The following TMEM39B variants were observed in gnomAD, a reference collection of about 807,000 sequenced individuals.
TMEM39B encodes transmembrane protein 39B.
A neutral mutation model predicts 52.2 loss-of-function variants in TMEM39B; 23 were observed. The observed-to-expected ratio is 0.44, with a 90% CI of 0.32 to 0.62. The LOEUF (loss-of-function observed/expected upper bound fraction) is 0.62, where lower values mean the gene tolerates loss of function less well. Ranked by LOEUF, TMEM39B falls within the 20% of genes least tolerant of loss-of-function variation. The pLI is 0.06. For synonymous variants in TMEM39B, 285 were observed against 264.0 expected (o/e 1.08, Z -0.77); for missense variants, 547 against 642.0 (o/e 0.85, Z 1.60).
chr1:32,086,473 A>C (rs1232302851), intron 5 of TMEM39B, among the ~76,000 whole-genome samples: 3 of 152,192 alleles, frequency 2.0e-5, no homozygotes, highest in African/African-American at 7.2e-5. Flanking sequence ...TACACACACA[A>C]AAAAGAAAGT....
intron 3 of TMEM39B, 189 bp downstream of exon 3, chr1:32,076,011 T>C: frequency 2.1e-6 from 1 of 471,316 alleles, no homozygotes; most frequent in Middle Eastern, 5.5e-4. Flanking sequence ...CTAGTGTGTT[T>C]AGTAGCACAT....
chr1:32,079,351 A>AT (rs1639997180), intron 5 of TMEM39B, among the ~76,000 whole-genome samples: 1 of 150,982 alleles, frequency 6.6e-6, no homozygotes, highest in Non-Finnish European at 1.5e-5. Flanking sequence ...CACCTAGCTA[A>AT]TTTTTTGTAT....
intron 6 of TMEM39B, among the ~76,000 whole-genome samples, chr1:32,092,638 G>C (rs1433521524): frequency 2.0e-5 from 3 of 151,990 alleles, no homozygotes; most frequent in Non-Finnish European, 2.9e-5. Flanking sequence ...TCATAGACAT[G>C]TGCCACCATG....
intron 5 of TMEM39B, among the ~76,000 whole-genome samples, chr1:32,090,097 T>TG (rs940004437): frequency 6.6e-6 from 1 of 151,716 alleles, no homozygotes; most frequent in African/African-American, 2.4e-5. Flanking sequence ...GGAACCCTTG[T>TG]GGGGGTGTGT....
chr1:32,089,884 C>T (rs943134116), intron 5 of TMEM39B, among the ~76,000 whole-genome samples: 15 of 151,974 alleles, frequency 9.9e-5, no homozygotes, highest in Non-Finnish European at 1.5e-4. Flanking sequence ...CAGAAATTAG[C>T]TGGGCATGAT....
At chr1:32,089,812 T>C (rs926723745) in intron 5 of TMEM39B, among the ~76,000 whole-genome samples, 1 of 150,042 alleles carries the variant, frequency 6.7e-6, no homozygotes, top group Admixed American at 6.7e-5. Context: ...CTGAGGCGGG[T>C]GGAGGTCAGG....
At chr1:32,073,449 C>A in intron 1 of TMEM39B, 3 of 763,276 alleles carry the variant, frequency 3.9e-6, no homozygotes, top group Non-Finnish European at 5.0e-6. Flanking sequence ...GGGGAGACTT[C>A]CGACTGAGGG....
At chr1:32,095,691 G>A (rs1350912112) in intron 7 of TMEM39B, 5 of 152,600 alleles carry the variant, frequency 3.3e-5, no homozygotes, top group East Asian at 1.9e-4. Context: ...GGATCACCTC[G>A]GAAGCACATC....
Position 32,075,839 on chromosome 1 carries a change from GGTGTGTGTGTGTGTGTGTGTGT to G in TMEM39B, c.351+21_351+42del, listed in dbSNP as rs3831938. 11 of 1,260,914 alleles carry G rather than the reference GGTGTGTGTGTGTGTGTGTGTGT, an allele frequency of 8.7e-6. No homozygotes were observed. The highest frequency in any genetic ancestry group is 1.6e-5 in the African/African-American group (1 of 64,356). The allele number at this position is 1,260,914 out of a possible 1,614,324, so 78.1% of individuals were successfully genotyped here. A position where few individuals can be genotyped will look rare whatever the true frequency, so the allele number is the denominator to read the frequency against. On this transcript the variant is annotated intron_variant, in intron 3 of 8. Transcript: ENST00000336294. ...ACCTCCCTGGTAGGTACCCAACAAGGGTGTGTGTGTGTGTGTGTGTGTGTGCGTGTGTGTGTATGTGTGTGTG... is the reference window on the plus strand; with the variant it reads ...ACCTCCCTGGTAGGTACCCAACAAGGGTGCGTGTGTGTGTATGTGTGTGTG...
At chr1:32,094,701 CTCAG>C (rs1640747239) in intron 6 of TMEM39B, 79 bp from the exon 7 acceptor site, 3 of 1,495,276 alleles carry the variant, frequency 2.0e-6, no homozygotes, top group African/African-American at 1.4e-5. Context: ...GTCCTAACCT[CTCAG>C]TCAGGTAGAA....
At chr1:32,100,281 C>T (rs1012671681) in intron 7 of TMEM39B, among the ~76,000 whole-genome samples, 161 bp from the exon 8 acceptor site, 1 of 152,200 alleles carries the variant, frequency 6.6e-6, no homozygotes, top group African/African-American at 2.4e-5. Flanking sequence ...ATTCTTACCC[C>T]ATTTTACAGA....
At chr1:32,075,567 G>A in intron 2 of TMEM39B, 36 bp from the exon 3 acceptor site, 3 of 1,532,194 alleles carry the variant, frequency 2.0e-6, no homozygotes, top group Non-Finnish European at 2.6e-6. Flanking sequence ...AGGATTCTCA[G>A]GTCAGCTGCT....
chr1:32,090,948 C>T (rs1640580386), intron 5 of TMEM39B, among the ~76,000 whole-genome samples: 1 of 151,942 alleles, frequency 6.6e-6, no homozygotes, highest in African/African-American at 2.4e-5. Flanking sequence ...CCCATACCTG[C>T]CTAATTTTTA....
chr1:32,096,668 C>T (rs1296977665), intron 7 of TMEM39B, among the ~76,000 whole-genome samples: 2 of 152,008 alleles, frequency 1.3e-5, no homozygotes, highest in African/African-American at 4.8e-5. Flanking sequence ...ACCATGTTAG[C>T]GAGGCTGGTC....
intron 6 of TMEM39B, among the ~76,000 whole-genome samples, chr1:32,094,117 CTTTTTTTT>C (rs796499631): frequency 2.3e-4 from 7 of 29,804 alleles, no homozygotes; most frequent in African/African-American, 7.8e-4. Flanking sequence ...TGCGCCTGGC[CTTTTTTTT>C]TTTTTTTTTT....
Position 32,091,836 on chromosome 1 carries a change from G to C in TMEM39B, c.752G>C (p.Arg251Thr), listed in dbSNP as rs778051412. ...TLRETWKQHT[R>T]QLYGPDAMPT... is the part of the protein sequence containing the mutation. ...CGGGAGACGTGGAAGCAGCACACAAGACAGCTGTATGGCCCGGACGCCATG... is the reference window on the plus strand; with the variant it reads ...CGGGAGACGTGGAAGCAGCACACAACACAGCTGTATGGCCCGGACGCCATG... The change falls in exon 6 of 9, where the codon AGA (arginine) becomes ACA (threonine). Residue 251 changes from arginine to threonine, a missense_variant. Arg to Thr is a moderately conservative substitution (Grantham distance 71, BLOSUM62 -1). Coordinates refer to ENST00000336294, the MANE Select transcript of TMEM39B (RefSeq NM_018056.4). 2 of 1,614,122 alleles carry C rather than the reference G, an allele frequency of 1.2e-6. No homozygotes were observed. Among genetic ancestry groups the C allele is most frequent in the Non-Finnish European group, 1.7e-6 (2 of 1,180,048 alleles).
rs1357976791 is a variant in TMEM39B at position 32,091,724 on chromosome 1, A to T, written c.640A>T (p.Thr214Ser). 6.2e-7 allele frequency: 1 copy of T among 1,613,994 alleles called. No homozygotes were observed. ...GCAGCTGAATTGCGACCTCCGCAAG[A>T]CAAGCCTCTTCAACCACATGGCCTC... ...FLQLNCDLRK[T>S]SLFNHMASMG... is the part of the protein sequence containing the mutation. The change falls in exon 6 of 9, where the codon ACA becomes TCA. Residue 214 changes from threonine to serine, a missense_variant. Thr to Ser is a moderately conservative substitution (Grantham distance 58). Coordinates refer to ENST00000336294, the MANE Select transcript of TMEM39B (RefSeq NM_018056.4).
chr1:32,091,971 G>A lies in TMEM39B; in HGVS notation c.887G>A (p.Ser296Asn). 1.9e-6 allele frequency: 3 copies of A among 1,614,176 alleles called. No individual in the cohort carries two copies. Among genetic ancestry groups the A allele is most frequent in the Non-Finnish European group, 2.5e-6 (3 of 1,180,026 alleles). ...MKEVLVSSMLSAYYVAFVPVW... is the reference protein window; with the variant it reads ...MKEVLVSSMLNAYYVAFVPVW... Reference sequence around the variant, plus strand: ...GAAGTGCTCGTCAGCTCCATGCTGAGCGCCTACTATGTGGCCTTTGTGCCT... The same window carrying A: ...GAAGTGCTCGTCAGCTCCATGCTGAACGCCTACTATGTGGCCTTTGTGCCT... The change falls in exon 6 of 9, where the codon AGC (serine) becomes AAC (asparagine). Residue 296 changes from serine to asparagine, a missense_variant. Coordinates refer to ENST00000336294, the MANE Select transcript of TMEM39B (RefSeq NM_018056.4).
rs911854635 is a variant in TMEM39B, at chr1:32,088,164, TCCCAGCA to T, written c.591-3509_591-3503del. On this transcript the variant is annotated intron_variant, in intron 5 of 8. Transcript: ENST00000336294. ...CAGGCACGGTGGCTCATGCCTGTAA[TCCCAGCA>T]CTTTGGGCGGCCGAAGTGGGCGATC... Among the ~76,000 whole-genome samples the T allele has an allele frequency of 2.2e-5, 3 of 139,190 alleles. No individual in the cohort carries two copies. In the East Asian group the frequency reaches 7.1e-4, roughly 33 times the overall value. The allele number at this position is 139,190 out of a possible 152,430, so 91.3% of individuals were successfully genotyped here.
Sources: gnomAD v4.1 joint callset for allele counts (sites outside exome capture counted in the v4.1 genomes callset) on GRCh38, gnomAD v4.1.1 for gene constraint, MANE v1.5 for transcripts, NCBI Gene and HGNC (gene_info 2026-07-23, HGNC 2026-07-21) for gene names.